Variants in CLVS1 observed in about 807,000 individuals in gnomAD.
The protein encoded by CLVS1 is clavesin-1.
Under a neutral mutation model 33.1 loss-of-function variants are expected in CLVS1, and 10 were observed. That is an observed-to-expected ratio of 0.30 (90% CI 0.19 to 0.51). CLVS1 has a LOEUF of 0.51. CLVS1 is among the 20% of genes least tolerant of loss of function. The pLI, the probability that CLVS1 is intolerant of heterozygous loss-of-function variation, is 0.97. For synonymous variants in CLVS1, 163 were observed against 166.1 expected, an observed-to-expected ratio of 0.98 and a Z score of 0.14; for missense variants, 343 against 433.4, an observed-to-expected ratio of 0.79 and a Z score of 1.85.
At chr8:61,215,682 A>ATGTGTGTGTGTGTG (rs72193127) in intron 2 of CLVS1, among the ~76,000 whole-genome samples, 94 of 143,820 alleles carry the variant, frequency 6.5e-4, no homozygotes, top group South Asian at 1.8e-3. Flanking sequence ...GAAATTGAAA[A>ATGTGTGTGTGTGTG]TGTGTGTGTG....
intron 2 of CLVS1, among the ~76,000 whole-genome samples, chr8:61,223,222 G>A (rs1347619467): frequency 6.6e-6 from 1 of 152,130 alleles, no homozygotes; most frequent in Non-Finnish European, 1.5e-5. Context: ...CTGTCATCAA[G>A]ATGCTATTTG....
the CLVS1 span, among the ~76,000 whole-genome samples, chr8:61,011,436 A>G: frequency 6.6e-6 from 1 of 151,736 alleles, no homozygotes; most frequent in African/African-American, 2.4e-5. Context: ...CTGATGCATC[A>G]TGTCTTTATT....
At chr8:61,047,125 C>A in the CLVS1 span, among the ~76,000 whole-genome samples, 3 of 152,166 alleles carry the variant, frequency 2.0e-5, no homozygotes, top group African/African-American at 7.2e-5. Context: ...AAACAAACAA[C>A]CCCATCGAAA....
chr8:61,400,723 T>C (rs1235572804), intron 3 of CLVS1, among the ~76,000 whole-genome samples: 3 of 152,194 alleles, frequency 2.0e-5, no homozygotes, highest in Non-Finnish European at 4.4e-5. Flanking sequence ...ACCTAGTTTA[T>C]TGAGAGTTGT....
intron 2 of CLVS1, among the ~76,000 whole-genome samples, chr8:61,225,348 AG>A (rs925210623): frequency 9.2e-5 from 14 of 152,320 alleles, no homozygotes; most frequent in Admixed American, 3.3e-4. Flanking sequence ...AAGAAAAAAA[AG>A]AATGTAAAAG....
the CLVS1 span, among the ~76,000 whole-genome samples, chr8:61,008,763 T>C: frequency 1.3e-5 from 2 of 152,212 alleles, no homozygotes; most frequent in African/African-American, 4.8e-5. Flanking sequence ...TGCAGGAATA[T>C]TTACTCCTAT....
At chr8:60,981,847 A>G in the CLVS1 span, among the ~76,000 whole-genome samples, 2 of 152,362 alleles carry the variant, frequency 1.3e-5, no homozygotes, top group East Asian at 3.9e-4. Flanking sequence ...GGGACCCCTC[A>G]TGAGGGCACC....
chr8:61,003,623 T>C, the CLVS1 span, among the ~76,000 whole-genome samples: 1 of 152,228 alleles, frequency 6.6e-6, no homozygotes, highest in Non-Finnish European at 1.5e-5. Context: ...AACTGGTCCG[T>C]CTTGTGCCCA....
intron 2 of CLVS1, among the ~76,000 whole-genome samples, chr8:61,254,218 G>T (rs1468417436): frequency 6.6e-6 from 1 of 152,182 alleles, no homozygotes; most frequent in East Asian, 1.9e-4. Flanking sequence ...ATCAGCAGCG[G>T]TGGCTGCAGA....
intron 2 of CLVS1, among the ~76,000 whole-genome samples, chr8:61,354,710 C>G (rs752136697): frequency 2.7e-4 from 41 of 152,084 alleles, no homozygotes; most frequent in Non-Finnish European, 5.6e-4. Flanking sequence ...ATTATGTTGA[C>G]TAAAAATGCT....
intron 1 of CLVS1, among the ~76,000 whole-genome samples, chr8:61,074,309 G>A (rs964474665): frequency 2.9e-4 from 43 of 149,024 alleles, no homozygotes; most frequent in Non-Finnish European, 5.6e-4. Flanking sequence ...CTGCATTCCA[G>A]CATGGTCAAC....
At chr8:61,085,728 C>CAAAAA (rs57456582) in intron 1 of CLVS1, among the ~76,000 whole-genome samples, 1 of 115,106 alleles carries the variant, frequency 8.7e-6, no homozygotes, top group Non-Finnish European at 1.9e-5. Flanking sequence ...CCATCCCTAC[C>CAAAAA]AAAAAAAAAA....
chr8:61,362,996 G>A (rs1813049074), intron 2 of CLVS1, among the ~76,000 whole-genome samples: 1 of 152,166 alleles, frequency 6.6e-6, no homozygotes, highest in Non-Finnish European at 1.5e-5. Flanking sequence ...TTGTAACTTA[G>A]TTAATGGAAA....
At chr8:61,245,051 G>T (rs1373892692) in intron 2 of CLVS1, among the ~76,000 whole-genome samples, 3 of 151,960 alleles carry the variant, frequency 2.0e-5, no homozygotes, top group Non-Finnish European at 4.4e-5. Flanking sequence ...CATATGAAAT[G>T]CCACTTTTTA....
intron 3 of CLVS1, among the ~76,000 whole-genome samples, chr8:61,425,848 A>G (rs1376400076): frequency 1.3e-5 from 2 of 152,166 alleles, no homozygotes; most frequent in Non-Finnish European, 2.9e-5. Context: ...TTTCTTGAGG[A>G]AAGCTCAGAC....
intron 3 of CLVS1, 44 bp downstream of exon 3, chr8:61,376,823 T>C (rs1429862125): frequency 6.7e-7 from 1 of 1,503,472 alleles, no homozygotes; most frequent in Non-Finnish European, 9.0e-7. Context: ...TGTGGCAACA[T>C]ACTTTTTAAA....
At chr8:60,968,655 G>A in the CLVS1 span, among the ~76,000 whole-genome samples, 1 of 152,192 alleles carries the variant, frequency 6.6e-6, no homozygotes, top group Non-Finnish European at 1.5e-5. Context: ...TTGGGAGGCT[G>A]AGGTGGGCAG....
the CLVS1 span, among the ~76,000 whole-genome samples, chr8:61,016,347 A>G: frequency 6.6e-6 from 1 of 152,252 alleles, no homozygotes; most frequent in Non-Finnish European, 1.5e-5. Flanking sequence ...CCCACGACCC[A>G]AAGTGTCTTA....
intron 2 of CLVS1, among the ~76,000 whole-genome samples, chr8:61,204,274 C>T (rs1019312816): frequency 2.0e-5 from 3 of 152,112 alleles, no homozygotes; most frequent in African/African-American, 7.2e-5. Context: ...TTGGTTCTTG[C>T]TAACCAAACT....
Sources: allele counts gnomAD v4.1 joint callset (sites outside exome capture counted in the v4.1 genomes callset), GRCh38; gene constraint gnomAD v4.1.1; transcripts MANE v1.5; gene names NCBI Gene and HGNC (gene_info 2026-07-23, HGNC 2026-07-21).